EIF4G3: variants seen among roughly 807,000 people sequenced by gnomAD.
EIF4G3 encodes the protein eIF-4-gamma 3.
A neutral mutation model predicts 186.4 loss-of-function variants in EIF4G3; 34 were observed. The observed-to-expected ratio is 0.18, with a 90% confidence interval of 0.14 to 0.24. The LOEUF (loss-of-function observed/expected upper bound fraction) is 0.24, where lower values mean the gene tolerates loss of function less well. Ranked by LOEUF, EIF4G3 falls within the 10% of genes least tolerant of loss-of-function variation. The pLI is 1.00. For synonymous variants in EIF4G3, 673 were observed against 679.5 expected (o/e 0.99, Z 0.15); for missense variants, 1,536 against 1,948.5 (o/e 0.79, Z 3.99).
rs377650037 is a variant in EIF4G3, at chr1:20,841,228, T to G, written c.3889-200A>C. On this transcript the variant is annotated intron_variant, in intron 29 of 36. Coordinates refer to ENST00000602326, the MANE Select transcript of EIF4G3 (RefSeq NM_001391906.1). ...AGGCTGATATGGGCAATATTAAAAG[T>G]CATACAAAAAAAGAGCATTACAGCC... 1.4e-4 allele frequency: 62 copies of G among 432,212 alleles called. 1 individual carries two copies. Among genetic ancestry groups the G allele is most frequent in the African/African-American group, 1.0e-3 (50 of 49,232 alleles). The allele number at this position is 432,212 out of a possible 1,614,324, so 26.8% of individuals were successfully genotyped here. A position where few individuals can be genotyped will look rare whatever the true frequency, so the allele number is the denominator to read the frequency against.
intron 2 of EIF4G3, among the ~76,000 whole-genome samples, chr1:21,119,867 T>C (rs2096896287): frequency 6.6e-6 from 1 of 152,158 alleles, no homozygotes; most frequent in South Asian, 2.1e-4. Flanking sequence ...AGAAATTTTC[T>C]ACACATACAC....
intron 26 of EIF4G3, 107 bp downstream of exon 26, chr1:20,854,871 G>C (rs974793013): frequency 1.5e-5 from 13 of 848,656 alleles, no homozygotes; most frequent in Non-Finnish European, 2.5e-5. Flanking sequence ...GGCATGATTA[G>C]TCTACACATC....
At chr1:21,012,565 T>A (rs190847712) in intron 4 of EIF4G3, among the ~76,000 whole-genome samples, 1 of 152,118 alleles carries the variant, frequency 6.6e-6, no homozygotes, top group Non-Finnish European at 1.5e-5. Context: ...CCGACCAAAG[T>A]ACCTTTGTAA....
At chr1:20,907,685 T>C (rs538010277) in intron 14 of EIF4G3, among the ~76,000 whole-genome samples, 3 of 152,228 alleles carry the variant, frequency 2.0e-5, no homozygotes, top group East Asian at 3.9e-4. Context: ...AGAATGATGG[T>C]TTCCAGTTTC....
At chr1:21,061,735 CTGCT>C (rs1246977573) in intron 3 of EIF4G3, among the ~76,000 whole-genome samples, 3 of 149,146 alleles carry the variant, frequency 2.0e-5, no homozygotes, top group African/African-American at 7.4e-5. Context: ...GTTTATTTCT[CTGCT>C]TGTTTTTTTT....
intron 2 of EIF4G3, among the ~76,000 whole-genome samples, chr1:21,158,348 G>A (rs913045631): frequency 1.5e-4 from 23 of 151,152 alleles, no homozygotes; most frequent in African/African-American, 5.6e-4. Flanking sequence ...GGTAATTTTT[G>A]TATTTTTGGT....
In EIF4G3 at chr1:21,176,226, A is replaced by G. The variant is rs923405496; in HGVS notation, c.-323T>C. ...CCTGATGTTCGGGTGAGGAGGGGGGACCGCTGCCGCCGCCGCCGCCGCCGC... is the reference window on the plus strand; with the variant it reads ...CCTGATGTTCGGGTGAGGAGGGGGGGCCGCTGCCGCCGCCGCCGCCGCCGC... On this transcript the variant is annotated 5_prime_UTR_variant, in exon 2 of 37. Coordinates refer to ENST00000602326, the MANE Select transcript of EIF4G3 (RefSeq NM_001391906.1). 2.5e-6 allele frequency: 1 copy of G among 400,646 alleles called. No homozygotes were observed. Among genetic ancestry groups the G allele is most frequent in the Non-Finnish European group, 4.3e-6 (1 of 232,788 alleles). The allele number at this position is 400,646 out of a possible 1,614,324, so 24.8% of individuals were successfully genotyped here.
intron 2 of EIF4G3, among the ~76,000 whole-genome samples, chr1:21,173,708 G>A (rs2098039423): frequency 6.6e-6 from 1 of 152,074 alleles, no homozygotes; most frequent in Non-Finnish European, 1.5e-5. Flanking sequence ...AAATAAAACT[G>A]TCTGAACTTA....
chr1:21,148,512 C>A (rs2097492647), intron 2 of EIF4G3, among the ~76,000 whole-genome samples: 1 of 152,030 alleles, frequency 6.6e-6, no homozygotes. Context: ...ACCATCCTGA[C>A]TAACACGGTG....
chr1:21,155,088 C>G (rs1317409211), intron 2 of EIF4G3, among the ~76,000 whole-genome samples: 1 of 151,552 alleles, frequency 6.6e-6, no homozygotes, highest in African/African-American at 2.4e-5. Context: ...CATAGAGAAA[C>G]CCCATCTCCA....
rs376814165 is a variant in EIF4G3, at chr1:20,817,277, T to TA, written c.4515+114dup. 344 of 258,574 alleles carry TA rather than the reference T, an allele frequency of 1.3e-3. 1 individual carries two copies. The highest frequency in any genetic ancestry group is 7.8e-3 in the African/African-American group (290 of 37,046). The allele number at this position is 258,574 out of a possible 1,614,324, so 16.0% of individuals were successfully genotyped here. A position where few individuals can be genotyped will look rare whatever the true frequency, so the allele number is the denominator to read the frequency against. On this transcript the variant is annotated intron_variant, in intron 34 of 36. Transcript: ENST00000602326. ...ATAAATAAATAAAAAAATAAATAAA[T>TA]AAAAAAAAATAAAAATAAAAATTCA...
chr1:20,830,646 G>GGTA (rs2064889988), intron 30 of EIF4G3, among the ~76,000 whole-genome samples: 1 of 152,126 alleles, frequency 6.6e-6, no homozygotes, highest in South Asian at 2.1e-4. Flanking sequence ...TGGTCTTTCA[G>GGTA]CAGTGTACCT....
At chr1:20,875,694 T>G (rs2080555966) in intron 20 of EIF4G3, among the ~76,000 whole-genome samples, 1 of 152,228 alleles carries the variant, frequency 6.6e-6, no homozygotes, top group South Asian at 2.1e-4. Context: ...GGAAGATTGC[T>G]TGAGCCCAGG....
intron 8 of EIF4G3, 140 bp downstream of exon 8, chr1:20,982,248 C>T (rs1384618556): frequency 2.0e-5 from 13 of 646,282 alleles, no homozygotes; most frequent in Non-Finnish European, 3.2e-5. Flanking sequence ...ATAATTTTCA[C>T]TGCAAGATTA....
At chr1:21,002,832 T>G in intron 4 of EIF4G3, 24 bp from the exon 5 acceptor site, 1 of 1,389,748 alleles carries the variant, frequency 7.2e-7, no homozygotes, top group Admixed American at 2.0e-5. Context: ...GCAAGAACAA[T>G]ATAATATTTT....
At chr1:21,109,586 C>A (rs1438005824) in intron 2 of EIF4G3, among the ~76,000 whole-genome samples, 2 of 152,108 alleles carry the variant, frequency 1.3e-5, no homozygotes, top group Non-Finnish European at 2.9e-5. Context: ...TAAATTCCTA[C>A]AATATTGCAA....
At chr1:20,863,399 A>G (rs1363709693) in intron 22 of EIF4G3, among the ~76,000 whole-genome samples, 3 of 139,816 alleles carry the variant, frequency 2.1e-5, no homozygotes, top group East Asian at 4.5e-4. Context: ...AAAAAAAAAA[A>G]AAATTGGGTG....
At chr1:21,062,953 G>A (rs1267414369) in intron 3 of EIF4G3, among the ~76,000 whole-genome samples, 1 of 152,052 alleles carries the variant, frequency 6.6e-6, no homozygotes, top group Admixed American at 6.6e-5. Flanking sequence ...AGGATAGGCA[G>A]GATACCACAC....
chr1:21,102,015 G>T (rs1024808065), intron 2 of EIF4G3, among the ~76,000 whole-genome samples: 1 of 152,148 alleles, frequency 6.6e-6, no homozygotes, highest in African/African-American at 2.4e-5. Flanking sequence ...AGCTTGAGAA[G>T]ATTTATGAAA....
Sources: allele counts gnomAD v4.1 joint callset (sites outside exome capture counted in the v4.1 genomes callset), GRCh38; gene constraint gnomAD v4.1.1; transcripts MANE v1.5; gene names NCBI Gene and HGNC (gene_info 2026-07-23, HGNC 2026-07-21).